The following STAT4 variants were observed in gnomAD, a reference collection of about 807,000 sequenced individuals.
STAT4 encodes the protein signal transducer and activator of transcription 4.
Under a neutral mutation model 110.5 loss-of-function variants are expected in STAT4, and 42 were observed. That is an observed-to-expected ratio of 0.38 (90% CI 0.30 to 0.49). The LOEUF is 0.49. STAT4 is among the 20% of genes least tolerant of loss of function. The pLI is 0.95. For synonymous variants in STAT4, 284 were observed against 302.2 expected, an observed-to-expected ratio of 0.94 and a Z score of 0.63; for missense variants, 632 against 887.9, an observed-to-expected ratio of 0.71 and a Z score of 3.66.
In STAT4 at chr2:191,059,043, T is replaced by A. The variant is rs894725881; in HGVS notation, c.1035-274A>T. Among the ~76,000 whole-genome samples the A allele has an allele frequency of 2.6e-5, 4 of 152,010 alleles. No individual in the cohort carries two copies. The highest frequency in any genetic ancestry group is 9.7e-5 in the African/African-American group (4 of 41,348). ...AGTTGATGTTTGCTGGATAATACGT[T>A]GGCCAGGTCAGAAAAAAAAAAGCTA... On this transcript the variant is annotated intron_variant, in intron 10 of 23. Coordinates refer to ENST00000392320, the MANE Select transcript of STAT4 (RefSeq NM_003151.4). The surrounding 1 kb of genome is among the most constrained non-coding windows in gnomAD (Gnocchi z 4.7).
chr2:191,069,789 C>T lies in STAT4; in HGVS notation c.466-18G>A. ...TCTGTCATCTTTTCACAAAAGAAAA[C>T]ATACTCACTCTGCTGTCACAATTAA... is the stretch of plus-strand genomic sequence containing the variant. On this transcript the variant is annotated intron_variant, in intron 5 of 23. Transcript: ENST00000392320. 6.4e-7 allele frequency: 1 copy of T among 1,574,764 alleles called. No individual in the cohort carries two copies. The highest frequency in any genetic ancestry group is 1.4e-5 in the African/African-American group (1 of 73,478).
intron 3 of STAT4, among the ~76,000 whole-genome samples, chr2:191,124,338 C>T (rs1324557799): frequency 6.6e-6 from 1 of 151,672 alleles, no homozygotes; most frequent in Non-Finnish European, 1.5e-5. Context: ...GCCTGTAGTC[C>T]CAGCTACTCG....
At chr2:191,073,065 A>C (rs1178278203) in intron 5 of STAT4, 33 bp downstream of exon 5, 1 of 1,582,536 alleles carries the variant, frequency 6.3e-7, no homozygotes, top group Admixed American at 1.7e-5. Context: ...GACAGTATCT[A>C]GACTTTCTAG....
Position 191,058,836 on chromosome 2 carries a change from T to C in STAT4, c.1035-67A>G. The C allele has an allele frequency of 1.1e-6, 1 of 882,076 alleles. No homozygotes were observed. Among genetic ancestry groups the C allele is most frequent in the African/African-American group, 1.7e-5 (1 of 58,354 alleles). 54.6% of individuals were successfully genotyped at this position (882,076 alleles called of 1,614,324 possible). Reference sequence around the variant, plus strand: ...AAAAGTGTTTAAAAACCCTTTTTTATATTTAAACATTTAAATATACTATGA... The same window carrying C: ...AAAAGTGTTTAAAAACCCTTTTTTACATTTAAACATTTAAATATACTATGA... On this transcript the variant is annotated intron_variant, in intron 10 of 23. Transcript: ENST00000392320. The surrounding 1 kb of genome is among the most constrained non-coding windows in gnomAD (Gnocchi z 4.3).
chr2:191,096,001 A>G (rs1311272287), intron 3 of STAT4, among the ~76,000 whole-genome samples: 1 of 152,268 alleles, frequency 6.6e-6, no homozygotes, highest in Non-Finnish European at 1.5e-5. Flanking sequence ...CTCTACACAA[A>G]TGAACTAGAA....
intron 3 of STAT4, among the ~76,000 whole-genome samples, chr2:191,136,965 AT>A (rs552795430): frequency 1.1e-3 from 161 of 152,344 alleles, no homozygotes; most frequent in Non-Finnish European, 1.9e-3. Flanking sequence ...TATAATACCT[AT>A]AAAAAATAAA....
At chr2:191,098,268 C>A (rs113920510) in intron 3 of STAT4, among the ~76,000 whole-genome samples, 8 of 152,254 alleles carry the variant, frequency 5.3e-5, no homozygotes, top group African/African-American at 1.7e-4. Flanking sequence ...ACTGGGTATA[C>A]ATCCAAAGGA....
rs563217349 is a variant in STAT4 at position 191,084,936 on chromosome 2, A to G, written c.274-8611T>C. 6.6e-5 allele frequency among the ~76,000 whole-genome samples: 10 copies of G among 152,090 alleles called. 1 individual carries two copies. In the South Asian group the frequency reaches 2.1e-3, roughly 31 times the overall value. ...ATTTATTCATAAGGTTTTATTAAAAATAGCTTTAGCATTAATAATATACTA... is the reference window on the plus strand; with the variant it reads ...ATTTATTCATAAGGTTTTATTAAAAGTAGCTTTAGCATTAATAATATACTA... On this transcript the variant is annotated intron_variant, in intron 3 of 23. Coordinates refer to ENST00000392320, the MANE Select transcript of STAT4 (RefSeq NM_003151.4).
intron 17 of STAT4, among the ~76,000 whole-genome samples, chr2:191,034,828 A>G (rs1301823292): frequency 1.3e-5 from 2 of 152,214 alleles, no homozygotes; most frequent in South Asian, 2.1e-4. Context: ...CAATGGCTTT[A>G]GAAAGCAGGT....
intron 14 of STAT4, among the ~76,000 whole-genome samples, chr2:191,048,154 C>T (rs543770535): frequency 8.5e-5 from 13 of 152,244 alleles, no homozygotes; most frequent in East Asian, 3.9e-4. Flanking sequence ...AAAGACTTTA[C>T]GCTTTATATA....
intron 3 of STAT4, among the ~76,000 whole-genome samples, chr2:191,103,028 C>A (rs1377672009): frequency 6.6e-6 from 1 of 152,160 alleles, no homozygotes; most frequent in Non-Finnish European, 1.5e-5. Context: ...CCTTTCCTAT[C>A]CTAGTCACAA....
At chr2:191,067,827 C>T (rs963400302) in intron 6 of STAT4, among the ~76,000 whole-genome samples, 1 of 152,120 alleles carries the variant, frequency 6.6e-6, no homozygotes, top group Non-Finnish European at 1.5e-5. Flanking sequence ...CCTGTTCATA[C>T]CAACCATTCA....
chr2:191,057,459 G>A (rs989701061), intron 13 of STAT4, among the ~76,000 whole-genome samples: 1 of 152,092 alleles, frequency 6.6e-6, no homozygotes, highest in South Asian at 2.1e-4. Context: ...TGTATACTTA[G>A]GTACTATGTC....
Position 191,116,269 on chromosome 2 carries a change from A to T in STAT4, c.273+30344T>A, listed in dbSNP as rs924184437. The stretch of plus-strand genomic sequence containing the variant: ...ACAGTGCTTTTACACCTATGATACG[A>T]CACCACCTTCTCTGCAGAATCATAT... On this transcript the variant is annotated intron_variant, in intron 3 of 23. Transcript: ENST00000392320. This position sits in a 1 kb window ranked among gnomAD's most constrained non-coding sequence, Gnocchi z 4.1. Among the ~76,000 whole-genome samples, 1 of 152,176 alleles carries T rather than the reference A, an allele frequency of 6.6e-6. No homozygotes were observed. Among genetic ancestry groups the T allele is most frequent in the African/African-American group, 2.4e-5 (1 of 41,428 alleles).
chr2:191,046,749 A>G lies in STAT4; in HGVS notation c.1252-5601T>C, dbSNP rs1696365753. Among the ~76,000 whole-genome samples, 1 of 152,178 alleles carries G rather than the reference A, an allele frequency of 6.6e-6. No homozygotes were observed. On this transcript the variant is annotated intron_variant, in intron 14 of 23. Transcript: ENST00000392320. The surrounding 1 kb of genome is among the most constrained non-coding windows in gnomAD (Gnocchi z 4.6). The stretch of plus-strand genomic sequence containing the variant: ...GAGCTCCTAAGACCTTTCTAGATGG[A>G]GATGCCAGGTGAGTCTTCTGTTCTA...
chr2:191,128,319 G>A (rs764618987), intron 3 of STAT4, among the ~76,000 whole-genome samples: 4 of 152,148 alleles, frequency 2.6e-5, no homozygotes, highest in African/African-American at 2.4e-5. Context: ...CAGGTCTCAG[G>A]TTGAGGTCAT....
intron 3 of STAT4, among the ~76,000 whole-genome samples, chr2:191,079,550 A>G (rs1167992014): frequency 6.6e-6 from 1 of 152,000 alleles, no homozygotes; most frequent in African/African-American, 2.4e-5. Context: ...ATGCTTTTGT[A>G]ATATCTCTTA....
At chr2:191,063,376 C>T (rs995351275) in intron 8 of STAT4, among the ~76,000 whole-genome samples, 5 of 152,150 alleles carry the variant, frequency 3.3e-5, no homozygotes, top group Non-Finnish European at 5.9e-5. Flanking sequence ...TCTTCCCACA[C>T]AATATATATT....
At chr2:191,078,732 G>A (rs1040365879) in intron 3 of STAT4, among the ~76,000 whole-genome samples, 1 of 152,102 alleles carries the variant, frequency 6.6e-6, no homozygotes, top group Admixed American at 6.6e-5. Context: ...TAGTGTATCA[G>A]TTTCTCATGC....
Sources: allele counts gnomAD v4.1 joint callset (sites outside exome capture counted in the v4.1 genomes callset), GRCh38; gene constraint gnomAD v4.1.1; non-coding constraint Gnocchi (gnomAD v3.1); transcripts MANE v1.5; gene names NCBI Gene and HGNC (gene_info 2026-07-23, HGNC 2026-07-21).